The following TRIM49 variants were observed in gnomAD, a reference collection of about 807,000 sequenced individuals.
TRIM49 encodes tripartite motif-containing protein 49.
TRIM49 carries 5 observed loss-of-function variants against 27.4 expected under a neutral mutation model. The ratio of observed to expected loss-of-function variants is 0.18; its 90% CI spans 0.10 to 0.38. The LOEUF is 0.38. TRIM49 is among the 10% of genes least tolerant of loss of function. The pLI, the probability that TRIM49 is intolerant of heterozygous loss-of-function variation, is 1.00. For missense variants in TRIM49, 188 were observed against 487.5 expected (o/e 0.39, Z 5.79); for synonymous variants, 69 against 166.0 (o/e 0.42, Z 4.49).
chr11:89,800,019 T>C (rs1256542340), intron 6 of TRIM49, among the ~76,000 whole-genome samples: 2 of 148,680 alleles, frequency 1.3e-5, no homozygotes, highest in African/African-American at 5.1e-5. Flanking sequence ...TCCAATCTGA[T>C]CCTTCTTTTT....
At chr11:89,805,685 G>A (rs1324785094) in intron 2 of TRIM49, among the ~76,000 whole-genome samples, 6 of 149,130 alleles carry the variant, frequency 4.0e-5, no homozygotes, top group African/African-American at 1.5e-4. Context: ...ACAGATGTAT[G>A]TTCTGAGAAA....
At chr11:89,774,001 C>T in the TRIM49 span, among the ~76,000 whole-genome samples, 3 of 127,620 alleles carry the variant, frequency 2.4e-5, 1 homozygote, top group African/African-American at 7.4e-5. Flanking sequence ...TAAAATATTT[C>T]TTTTTTTTTT....
At chr11:89,792,990 ACT>A (rs1949665325), downstream of TRIM49, among the ~76,000 whole-genome samples, 1 of 152,148 alleles carries the variant, frequency 6.6e-6, no homozygotes, top group South Asian at 2.1e-4. Flanking sequence ...AAATTGATAG[ACT>A]GCTAGCAAGA....
At chr11:89,796,086 T>TA (rs1373049011), downstream of TRIM49, among the ~76,000 whole-genome samples, 6 of 151,918 alleles carry the variant, frequency 3.9e-5, no homozygotes, top group East Asian at 2.0e-4. Context: ...CTAATAAAAA[T>TA]ACTTTAAACT....
the TRIM49 span, chr11:89,786,195 G>C: frequency 8.1e-6 from 1 of 123,876 alleles, no homozygotes; most frequent in Non-Finnish European, 1.6e-5. Flanking sequence ...TCCTGGAGGC[G>C]CGGGGCAGAG....
At chr11:89,785,320 G>GA in the TRIM49 span, among the ~76,000 whole-genome samples, 2 of 144,226 alleles carry the variant, frequency 1.4e-5, no homozygotes, top group African/African-American at 5.5e-5. Flanking sequence ...GGACTTGGGG[G>GA]AAAAATATGC....
At chr11:89,786,846 A>T in the TRIM49 span, 37,172 of 116,234 alleles carry the variant, frequency 0.32, 7,060 homozygotes, top group African/African-American at 0.54. Context: ...GAGGCTGTTC[A>T]GGCCCAGTCA....
At chr11:89,805,983 G>A (rs1388619759) in intron 2 of TRIM49, among the ~76,000 whole-genome samples, 1 of 150,922 alleles carries the variant, frequency 6.6e-6, no homozygotes, top group African/African-American at 2.5e-5. Flanking sequence ...GCTTTGCAAA[G>A]TGCTGGGATT....
At chr11:89,796,548 C>T (rs1257866719), downstream of TRIM49, among the ~76,000 whole-genome samples, 1 of 144,668 alleles carries the variant, frequency 6.9e-6, no homozygotes, top group African/African-American at 2.7e-5. Flanking sequence ...CTATTTTATT[C>T]TACTACCTTA....
chr11:89,770,792 G>C, the TRIM49 span, among the ~76,000 whole-genome samples: 1 of 143,900 alleles, frequency 6.9e-6, no homozygotes, highest in African/African-American at 2.8e-5. Flanking sequence ...CGTGAACCCG[G>C]GAGGCGGAGC....
chr11:89,804,007 C>A (rs1240709326), intron 3 of TRIM49, 52 bp downstream of exon 3: 2 of 1,611,368 alleles, frequency 1.2e-6, no homozygotes, highest in African/African-American at 1.3e-5. Flanking sequence ...AATAGACCCA[C>A]AGGAATTTTA....
chr11:89,777,174 C>T, the TRIM49 span: 15 of 1,549,238 alleles, frequency 9.7e-6, no homozygotes, highest in African/African-American at 1.8e-4. Flanking sequence ...CCAACTTCAA[C>T]ACCAATGTGG....
chr11:89,774,091 C>T, the TRIM49 span, among the ~76,000 whole-genome samples: 1 of 148,492 alleles, frequency 6.7e-6, no homozygotes, highest in African/African-American at 2.6e-5. Flanking sequence ...ACCTCTGCCT[C>T]CCAGGTTCAA....
At chr11:89,790,795 G>T in the TRIM49 span, among the ~76,000 whole-genome samples, 1 of 146,132 alleles carries the variant, frequency 6.8e-6, no homozygotes, top group Admixed American at 6.7e-5. Flanking sequence ...CACAAAGATG[G>T]GGAAAAAACA....
the TRIM49 span, chr11:89,768,411 G>T: frequency 1.5e-6 from 1 of 658,640 alleles, no homozygotes; most frequent in Non-Finnish European, 2.5e-6. Context: ...TCCTAGGATG[G>T]GTTTGTGGCC....
chr11:89,804,036 C>A lies in TRIM49; in HGVS notation c.411+23G>T, dbSNP rs577356877. ...AATTTTATGCTTCCTTTACAGAAAT[C>A]GATCTTCAGAGCCATCACTTACCCG... On this transcript the variant is annotated intron_variant, in intron 3 of 7. Transcript: ENST00000329758. 991 of 1,608,128 alleles carry A rather than the reference C, an allele frequency of 6.2e-4. 5 individuals carry two copies. The highest frequency in any genetic ancestry group is 1.9e-3 in the East Asian group (84 of 44,444).
the TRIM49 span, chr11:89,776,899 C>T: frequency 8.9e-6 from 13 of 1,459,900 alleles, no homozygotes; most frequent in Non-Finnish European, 1.0e-5. Context: ...AAATTGTCCA[C>T]CGGCCTTTTT....
At chr11:89,785,330 C>T in the TRIM49 span, among the ~76,000 whole-genome samples, 1 of 143,854 alleles carries the variant, frequency 7.0e-6, no homozygotes, top group South Asian at 2.2e-4. Flanking sequence ...GAAAAATATG[C>T]ATTAGAAGGG....
downstream of TRIM49, among the ~76,000 whole-genome samples, chr11:89,793,523 A>C (rs1046843449): frequency 2.0e-5 from 3 of 152,186 alleles, no homozygotes; most frequent in African/African-American, 7.2e-5. Context: ...CACATCAAAA[A>C]GCTTATCCGC....
Sources: gnomAD v4.1 joint callset for allele counts (sites outside exome capture counted in the v4.1 genomes callset) on GRCh38, gnomAD v4.1.1 for gene constraint, MANE v1.5 for transcripts, NCBI Gene and HGNC (gene_info 2026-07-23, HGNC 2026-07-21) for gene names.